PRKN: variants seen among roughly 807,000 people sequenced by gnomAD.
The protein encoded by PRKN is E3 ubiquitin-protein ligase parkin.
A neutral mutation model predicts 59.5 loss-of-function variants in PRKN; 56 were observed. The ratio of observed to expected loss-of-function variants is 0.94; its 90% CI spans 0.76 to 1.18. The LOEUF is 1.18. Ranked by LOEUF, PRKN falls within the 50% of genes most tolerant of loss-of-function variation. The pLI is 0.00. For missense variants in PRKN, 657 were observed against 596.4 expected, an observed-to-expected ratio of 1.10 and a Z score of -1.06; for synonymous variants, 250 against 222.1, an observed-to-expected ratio of 1.13 and a Z score of -1.12.
At chr6:161,668,619 G>T (rs905345640) in intron 7 of PRKN, among the ~76,000 whole-genome samples, 5 of 152,116 alleles carry the variant, frequency 3.3e-5, no homozygotes, top group African/African-American at 1.2e-4. Flanking sequence ...AGTTAGGGTC[G>T]GACAAGTACA....
chr6:161,403,175 T>C (rs774897200), intron 9 of PRKN, among the ~76,000 whole-genome samples: 5 of 152,166 alleles, frequency 3.3e-5, no homozygotes, highest in East Asian at 3.9e-4. Flanking sequence ...GCACAGACTG[T>C]TAGAACTGCA....
At chr6:162,040,982 CAAG>C (rs1784049303) in intron 5 of PRKN, among the ~76,000 whole-genome samples, 2 of 151,332 alleles carry the variant, frequency 1.3e-5, no homozygotes, top group African/African-American at 4.9e-5. Flanking sequence ...GTCAGGAGTT[CAAG>C]ACCAGCCTGG....
At chr6:161,595,241 A>C (rs1045603019) in intron 7 of PRKN, among the ~76,000 whole-genome samples, 2 of 152,184 alleles carry the variant, frequency 1.3e-5, no homozygotes. Context: ...AATACGGCAA[A>C]AAGTTGAGAG....
At chr6:161,851,874 G>C (rs888296768) in intron 6 of PRKN, among the ~76,000 whole-genome samples, 2 of 151,304 alleles carry the variant, frequency 1.3e-5, no homozygotes, top group African/African-American at 4.8e-5. Context: ...ATCACCTGAG[G>C]TCAGGAGTTT....
Position 161,550,738 on chromosome 6 carries a change from C to T in PRKN, c.934-1735G>A, listed in dbSNP as rs933861350. Among the ~76,000 whole-genome samples, 385 of 146,306 alleles carry T rather than the reference C, an allele frequency of 2.6e-3. 1 individual carries two copies. Among genetic ancestry groups the T allele is most frequent in the African/African-American group, 8.9e-3 (343 of 38,750 alleles). ...AAGAAAGGGTATGTGTGTGTGTGCA[C>T]GTGTGTGTGTGTGTGTGTGTGTGTA... On this transcript the variant is annotated intron_variant, in intron 8 of 11. Transcript: ENST00000366898. The surrounding 1 kb of genome is among the most constrained non-coding windows in gnomAD (Gnocchi z 4.0).
chr6:162,416,525 G>A (rs969610370), intron 2 of PRKN, among the ~76,000 whole-genome samples: 3 of 152,106 alleles, frequency 2.0e-5, no homozygotes, highest in Non-Finnish European at 4.4e-5. Context: ...ATTTTATTTG[G>A]AAGCATTTTG....
chr6:162,301,783 CGGGG>C (rs369993772), intron 2 of PRKN, among the ~76,000 whole-genome samples: 2 of 21,800 alleles, frequency 9.2e-5, no homozygotes, highest in African/African-American at 2.2e-4. Context: ...TTGGCCGGGG[CGGGG>C]GGGGGGTGCA....
intron 4 of PRKN, among the ~76,000 whole-genome samples, chr6:162,059,786 A>G (rs528289631): frequency 1.7e-4 from 26 of 152,302 alleles, no homozygotes; most frequent in Admixed American, 9.2e-4. Flanking sequence ...CAAGAAAAAT[A>G]TATAAATTAT....
At chr6:162,155,757 T>G (rs961617364) in intron 4 of PRKN, among the ~76,000 whole-genome samples, 4 of 150,984 alleles carry the variant, frequency 2.6e-5, no homozygotes, top group Non-Finnish European at 4.4e-5. Flanking sequence ...AGCCACATTC[T>G]GTAAATCTTG....
intron 5 of PRKN, among the ~76,000 whole-genome samples, chr6:161,979,682 C>T (rs1781187902): frequency 6.6e-6 from 1 of 152,188 alleles, no homozygotes; most frequent in South Asian, 2.1e-4. Flanking sequence ...AGGCTGTGAT[C>T]CCTTCCTTCC....
intron 1 of PRKN, among the ~76,000 whole-genome samples, chr6:162,590,411 G>C (rs13200053): frequency 6.6e-6 from 1 of 152,046 alleles, no homozygotes. Context: ...TTCCAACTTT[G>C]TATCAACCTT....
At chr6:161,680,518 T>C (rs1269531028) in intron 7 of PRKN, among the ~76,000 whole-genome samples, 1 of 151,888 alleles carries the variant, frequency 6.6e-6, no homozygotes, top group Non-Finnish European at 1.5e-5. Context: ...TTTTGATTAA[T>C]GCAATGAGCA....
intron 7 of PRKN, among the ~76,000 whole-genome samples, chr6:161,743,365 G>A (rs996964024): frequency 4.0e-5 from 6 of 149,018 alleles, no homozygotes; most frequent in African/African-American, 1.2e-4. Flanking sequence ...GACTACAGGC[G>A]CCCGCCACCA....
At chr6:162,723,212 A>G (rs1023353789) in intron 1 of PRKN, among the ~76,000 whole-genome samples, 1 of 152,242 alleles carries the variant, frequency 6.6e-6, no homozygotes, top group Admixed American at 6.5e-5. Context: ...AGTTAAGGGT[A>G]CATAGCAGGT....
At chr6:162,681,042 C>T (rs1171595432) in intron 1 of PRKN, among the ~76,000 whole-genome samples, 3 of 150,450 alleles carry the variant, frequency 2.0e-5, no homozygotes, top group Non-Finnish European at 4.5e-5. Flanking sequence ...TATAGAAAAT[C>T]TCTCGTTTGG....
At chr6:162,162,785 G>A (rs1021188323) in intron 4 of PRKN, among the ~76,000 whole-genome samples, 3 of 149,708 alleles carry the variant, frequency 2.0e-5, no homozygotes, top group Non-Finnish European at 4.4e-5. Flanking sequence ...CGAGGCAGGC[G>A]GATCACAAGG....
intron 7 of PRKN, among the ~76,000 whole-genome samples, chr6:161,628,290 C>T (rs1000386640): frequency 3.3e-5 from 5 of 152,154 alleles, no homozygotes; most frequent in African/African-American, 9.7e-5. Flanking sequence ...TTATAAGCCA[C>T]GGAAATTTAT....
At chr6:162,677,088 C>T (rs1199983746) in intron 1 of PRKN, among the ~76,000 whole-genome samples, 3 of 142,172 alleles carry the variant, frequency 2.1e-5, no homozygotes, top group Non-Finnish European at 3.0e-5. Context: ...AAAAAATGAC[C>T]TAAGAATCAA....
intron 9 of PRKN, among the ~76,000 whole-genome samples, chr6:161,500,328 C>T (rs1777915779): frequency 6.6e-6 from 1 of 152,120 alleles, no homozygotes; most frequent in South Asian, 2.1e-4. Context: ...CCAAAGTCCT[C>T]AGTTTACATG....
Sources: gnomAD v4.1 joint callset for allele counts (sites outside exome capture counted in the v4.1 genomes callset) on GRCh38, gnomAD v4.1.1 for gene constraint, Gnocchi (gnomAD v3.1) non-coding constraint, MANE v1.5 for transcripts, NCBI Gene and HGNC (gene_info 2026-07-23, HGNC 2026-07-21) for gene names.